MEI4: variants seen among roughly 807,000 people sequenced by gnomAD.
The protein encoded by MEI4 is meiosis-specific protein MEI4.
A neutral mutation model predicts 31.4 loss-of-function variants in MEI4; 27 were observed. The ratio of observed to expected loss-of-function variants is 0.86; its 90% CI spans 0.63 to 1.19. MEI4 has a LOEUF of 1.19. MEI4 is among the 50% of genes most tolerant of loss of function. The probability of loss-of-function intolerance (pLI) is 0.00; values close to 1 mark genes in which losing one functional copy is unlikely to be tolerated. For missense variants in MEI4, 329 were observed against 398.9 expected (o/e 0.82, Z 1.49); for synonymous variants, 122 against 145.4 (o/e 0.84, Z 1.16).
intron 4 of MEI4, among the ~76,000 whole-genome samples, chr6:77,873,524 G>C (rs1249824381): frequency 1.3e-5 from 2 of 152,098 alleles, no homozygotes; most frequent in African/African-American, 4.8e-5. Flanking sequence ...AGGTGAGTAC[G>C]TTGCGAAAAT....
intron 3 of MEI4, among the ~76,000 whole-genome samples, chr6:77,775,247 G>A (rs1768410090): frequency 6.6e-6 from 1 of 152,118 alleles, no homozygotes; most frequent in Non-Finnish European, 1.5e-5. Context: ...ACATGAATAA[G>A]TTCTTTAGTC....
intron 4 of MEI4, among the ~76,000 whole-genome samples, chr6:77,856,314 C>G (rs1353240125): frequency 6.6e-6 from 1 of 152,146 alleles, no homozygotes; most frequent in Non-Finnish European, 1.5e-5. Context: ...CCTGAACCTA[C>G]CCTTCCTTCT....
chr6:77,662,386 G>A (rs1768529068), intron 1 of MEI4, among the ~76,000 whole-genome samples: 1 of 152,152 alleles, frequency 6.6e-6, no homozygotes, highest in Non-Finnish European at 1.5e-5. Context: ...TCAGAGAGAT[G>A]CAGTCATGAG....
At chr6:77,866,639 T>C (rs1262539493) in intron 4 of MEI4, among the ~76,000 whole-genome samples, 2 of 152,160 alleles carry the variant, frequency 1.3e-5, no homozygotes, top group African/African-American at 2.4e-5. Context: ...ATTGTGAAAA[T>C]GGCCATACTG....
At chr6:77,883,460 C>G (rs114498146) in intron 4 of MEI4, among the ~76,000 whole-genome samples, 5 of 151,626 alleles carry the variant, frequency 3.3e-5, no homozygotes, top group South Asian at 2.1e-4. Flanking sequence ...CCCGCCTCCC[C>G]CCGTGAGCCT....
intron 4 of MEI4, among the ~76,000 whole-genome samples, chr6:77,844,628 A>G (rs1010860396): frequency 1.8e-4 from 27 of 152,196 alleles, no homozygotes; most frequent in Non-Finnish European, 1.5e-4. Flanking sequence ...TGGTAATTTT[A>G]TAAGTGTTTT....
chr6:77,711,488 C>T (rs2127660032), intron 2 of MEI4, among the ~76,000 whole-genome samples: 1 of 152,176 alleles, frequency 6.6e-6, no homozygotes, highest in East Asian at 1.9e-4. Flanking sequence ...CTGACATGGA[C>T]CTTTTTGGGG....
chr6:77,891,357 G>T (rs553251862), intron 4 of MEI4, among the ~76,000 whole-genome samples: 1 of 151,930 alleles, frequency 6.6e-6, no homozygotes, highest in South Asian at 2.1e-4. Context: ...TTGTCAGACA[G>T]GTTATTTTCA....
At chr6:77,878,421 G>A (rs947035388) in intron 4 of MEI4, among the ~76,000 whole-genome samples, 4 of 151,826 alleles carry the variant, frequency 2.6e-5, no homozygotes, top group Admixed American at 2.6e-4. Flanking sequence ...GAGTTTTTAC[G>A]TCTTCAGAAA....
At chr6:77,918,677 A>G (rs865995681) in intron 4 of MEI4, among the ~76,000 whole-genome samples, 4 of 151,904 alleles carry the variant, frequency 2.6e-5, no homozygotes, top group Admixed American at 6.6e-5. Flanking sequence ...GGCTGAGACA[A>G]TGGGGTTTTC....
chr6:77,722,787 CT>C (rs1176446788), intron 2 of MEI4, among the ~76,000 whole-genome samples: 5 of 126,146 alleles, frequency 4.0e-5, no homozygotes, highest in Non-Finnish European at 8.4e-5. Context: ...CTGTAACAGC[CT>C]TTTGTTTAGG....
At chr6:77,750,365 T>G (rs1466206062) in intron 2 of MEI4, among the ~76,000 whole-genome samples, 2 of 152,170 alleles carry the variant, frequency 1.3e-5, no homozygotes, top group Non-Finnish European at 2.9e-5. Context: ...TGTGTTGTAT[T>G]CAGGAGACCC....
At chr6:77,693,535 C>T (rs1769199109) in intron 2 of MEI4, among the ~76,000 whole-genome samples, 1 of 151,962 alleles carries the variant, frequency 6.6e-6, no homozygotes, top group Admixed American at 6.6e-5. Flanking sequence ...TTCAAAAAAT[C>T]ATATAATTAA....
At chr6:77,658,619 A>T (rs964898405) in intron 1 of MEI4, among the ~76,000 whole-genome samples, 4 of 152,078 alleles carry the variant, frequency 2.6e-5, no homozygotes, top group African/African-American at 9.7e-5. Context: ...AGTGGGAGAG[A>T]TTAAGCTGAA....
intron 2 of MEI4, among the ~76,000 whole-genome samples, chr6:77,692,183 TG>T (rs1345102353): frequency 2.6e-5 from 4 of 152,030 alleles, no homozygotes; most frequent in African/African-American, 7.2e-5. Context: ...TCTTTGAGGC[TG>T]GTTTCTTCTC....
chr6:77,795,654 G>A (rs1769055034), intron 3 of MEI4, among the ~76,000 whole-genome samples: 1 of 151,808 alleles, frequency 6.6e-6, no homozygotes, highest in South Asian at 2.1e-4. Flanking sequence ...AACATTATAT[G>A]GATAACCTAG....
chr6:77,747,816 C>A, intron 2 of MEI4, among the ~76,000 whole-genome samples: 1 of 152,204 alleles, frequency 6.6e-6, no homozygotes, highest in Non-Finnish European at 1.5e-5. Flanking sequence ...AGGCAAGTCC[C>A]TTTTACCTAT....
At chr6:77,915,588 G>T (rs369116222) in intron 4 of MEI4, among the ~76,000 whole-genome samples, 1 of 151,662 alleles carries the variant, frequency 6.6e-6, no homozygotes, top group Non-Finnish European at 1.5e-5. Context: ...CAGTTTTATC[G>T]GATATAAGTA....
intron 4 of MEI4, among the ~76,000 whole-genome samples, chr6:77,869,537 T>A (rs1361665824): frequency 6.6e-6 from 1 of 152,092 alleles, no homozygotes; most frequent in Non-Finnish European, 1.5e-5. Context: ...AGGGCCGTCA[T>A]CTGCAAGTCA....
Sources: allele counts gnomAD v4.1 joint callset (sites outside exome capture counted in the v4.1 genomes callset), GRCh38; gene constraint gnomAD v4.1.1; transcripts MANE v1.5; gene names NCBI Gene and HGNC (gene_info 2026-07-23, HGNC 2026-07-21).